MRC1: variants seen among roughly 807,000 people sequenced by gnomAD.
MRC1 encodes macrophage mannose receptor 1.
In MRC1, 62 loss-of-function variants were observed where a neutral mutation model predicts 102.9. The observed-to-expected ratio is 0.60, with a 90% CI of 0.49 to 0.74. The LOEUF (loss-of-function observed/expected upper bound fraction) is 0.74, where lower values mean the gene tolerates loss of function less well. Among genes scored for constraint, MRC1 ranks in the 30% least tolerant of loss-of-function variants. MRC1 has a pLI of 0.00. For synonymous variants in MRC1, 457 were observed against 298.4 expected (o/e 1.53, Z -5.48); for missense variants, 1,237 against 862.8 (o/e 1.43, Z -5.43).
chr10:17,816,920 T>C (rs1324127267), intron 1 of MRC1, among the ~76,000 whole-genome samples: 1 of 152,118 alleles, frequency 6.6e-6, no homozygotes, highest in Non-Finnish European at 1.5e-5. Flanking sequence ...TTTAATGACT[T>C]GTTCAATGTT....
chr10:17,809,747 G>T (rs1838194562), intron 1 of MRC1, among the ~76,000 whole-genome samples: 1 of 152,198 alleles, frequency 6.6e-6, no homozygotes, highest in African/African-American at 2.4e-5. Context: ...TCAGGTCTCG[G>T]TTGCTGCCCT....
At chr10:17,812,690 G>A (rs1446545446) in intron 1 of MRC1, among the ~76,000 whole-genome samples, 3 of 149,136 alleles carry the variant, frequency 2.0e-5, no homozygotes, top group Non-Finnish European at 4.4e-5. Flanking sequence ...TCCTGCCTCA[G>A]CCTCCCGAGT....
chr10:17,867,735 A>C (rs1833297118), intron 12 of MRC1, among the ~76,000 whole-genome samples: 1 of 152,150 alleles, frequency 6.6e-6, no homozygotes, highest in East Asian at 1.9e-4. Context: ...TTTCGTCTTG[A>C]TAGAAATTTC....
chr10:17,825,997 A>G (rs1437795150), intron 2 of MRC1, among the ~76,000 whole-genome samples: 2 of 152,226 alleles, frequency 1.3e-5, no homozygotes, highest in African/African-American at 4.8e-5. Flanking sequence ...AGTTATTAAC[A>G]ACTACCTTTT....
intron 22 of MRC1, among the ~76,000 whole-genome samples, chr10:17,887,846 C>T (rs957539684): frequency 7.2e-5 from 11 of 152,066 alleles, no homozygotes; most frequent in Non-Finnish European, 1.6e-4. Context: ...CACTGTCGCC[C>T]GGCTGGTGTG....
At chr10:17,816,224 T>C (rs1838310085) in intron 1 of MRC1, among the ~76,000 whole-genome samples, 1 of 152,222 alleles carries the variant, frequency 6.6e-6, no homozygotes, top group Non-Finnish European at 1.5e-5. Context: ...CATAGGTACA[T>C]TTATTTAACT....
intron 6 of MRC1, 38 bp downstream of exon 6, chr10:17,845,473 A>G: frequency 1.3e-6 from 1 of 780,064 alleles, no homozygotes; most frequent in Non-Finnish European, 2.4e-6. Context: ...CTCAACTATT[A>G]GAATTGAAAG....
At chr10:17,853,543 A>G (rs915556382) in intron 8 of MRC1, among the ~76,000 whole-genome samples, 2 of 151,608 alleles carry the variant, frequency 1.3e-5, no homozygotes, top group African/African-American at 4.9e-5. Context: ...ATATATGATT[A>G]CAAGAGATGT....
chr10:17,875,145 C>G lies in MRC1; in HGVS notation c.2442C>G (p.Phe814Leu). ...TTTACAAAGACTACCAGTATTATTT[C>G]AGCAAAGAGAAGGAAACCATGGACA... ...WVIYKDYQYY[F>L]SKEKETMDNA... Residue 814 changes from phenylalanine (F) to leucine (L), a missense_variant, in exon 17 of 30, where the codon TTC becomes TTG. Transcript: ENST00000569591. The G allele has an allele frequency of 1.3e-6, 1 of 780,844 alleles. No homozygotes were observed. The highest frequency in any genetic ancestry group is 2.4e-6 in the Non-Finnish European group (1 of 417,946). 48.4% of individuals were successfully genotyped at this position (780,844 alleles called of 1,614,324 possible). A position where few individuals can be genotyped will look rare whatever the true frequency, so the allele number is the denominator to read the frequency against.
At chr10:17,898,012 T>C (rs1287086646) in intron 23 of MRC1, 22 bp from the exon 24 acceptor site, 1 of 780,726 alleles carries the variant, frequency 1.3e-6, no homozygotes, top group Non-Finnish European at 2.4e-6. Context: ...ATAATGCTAA[T>C]GAAAATAATG....
chr10:17,892,523 A>T (rs1281964625), intron 22 of MRC1, among the ~76,000 whole-genome samples: 1 of 152,054 alleles, frequency 6.6e-6, no homozygotes, highest in Non-Finnish European at 1.5e-5. Context: ...GAAGTTGTTG[A>T]TGTTCAGCTT....
chr10:17,842,983 T>G (rs994523281), intron 5 of MRC1, among the ~76,000 whole-genome samples: 99 of 152,216 alleles, frequency 6.5e-4, no homozygotes, highest in Non-Finnish European at 1.3e-3. Flanking sequence ...GGTTTCATAT[T>G]TGTTCAGTCA....
chr10:17,897,577 C>G (rs1833773278), intron 23 of MRC1, among the ~76,000 whole-genome samples: 1 of 152,184 alleles, frequency 6.6e-6, no homozygotes, highest in East Asian at 1.9e-4. Flanking sequence ...TGAAGTCAAA[C>G]AGATACAAAC....
chr10:17,869,051 C>T (rs1833318685), intron 12 of MRC1, among the ~76,000 whole-genome samples: 1 of 152,206 alleles, frequency 6.6e-6, no homozygotes, highest in East Asian at 1.9e-4. Context: ...AGCAGTTTTA[C>T]CCAGAGCAGA....
chr10:17,831,443 C>G (rs1838571541), intron 3 of MRC1, among the ~76,000 whole-genome samples: 1 of 151,308 alleles, frequency 6.6e-6, no homozygotes, highest in Non-Finnish European at 1.5e-5. Flanking sequence ...TTGCCTGAAT[C>G]AAATTTTGAT....
intron 9 of MRC1, among the ~76,000 whole-genome samples, chr10:17,859,092 A>T (rs1833140978): frequency 6.6e-6 from 1 of 152,076 alleles, no homozygotes; most frequent in Non-Finnish European, 1.5e-5. Context: ...TAATCTGACC[A>T]TTGAGTTTTT....
intron 1 of MRC1, among the ~76,000 whole-genome samples, chr10:17,820,866 G>A (rs1023519292): frequency 1.1e-4 from 17 of 152,152 alleles, no homozygotes; most frequent in South Asian, 4.1e-4. Flanking sequence ...TTAAAAAACC[G>A]TTTTTATTTT....
chr10:17,814,677 CTTTTTTTTTTTTT>C (rs1179816829), intron 1 of MRC1, among the ~76,000 whole-genome samples: 1 of 85,124 alleles, frequency 1.2e-5, no homozygotes, highest in Non-Finnish European at 2.2e-5. Flanking sequence ...TTCCGTCCCT[CTTTTTTTTTTTTT>C]TTTTTTTTTT....
rs1019924240 is a variant in MRC1 at position 17,831,106 on chromosome 10, C to T, written c.638-2569C>T. Among the ~76,000 whole-genome samples the T allele has an allele frequency of 3.4e-5, 5 of 148,174 alleles. 1 individual carries two copies. The highest frequency in any genetic ancestry group is 2.7e-4 in the Admixed American group (4 of 14,856). ...AGAGACGGAGTTTCACCATGTTGGT[C>T]AGGCTGATCGCGAACTCCTAACCTT... is the stretch of plus-strand genomic sequence containing the variant. On this transcript the variant is annotated intron_variant, in intron 3 of 29. Transcript: ENST00000569591.
Sources: allele counts gnomAD v4.1 joint callset (sites outside exome capture counted in the v4.1 genomes callset), GRCh38; gene constraint gnomAD v4.1.1; transcripts MANE v1.5; gene names NCBI Gene and HGNC (gene_info 2026-07-23, HGNC 2026-07-21).